The following PRUNE2 variants were observed in gnomAD, a reference collection of about 807,000 sequenced individuals.
PRUNE2 encodes protein prune homolog 2.
Under a neutral mutation model 252.0 loss-of-function variants are expected in PRUNE2, and 164 were observed. The ratio of observed to expected loss-of-function variants is 0.65; its 90% confidence interval spans 0.57 to 0.74. The LOEUF (loss-of-function observed/expected upper bound fraction) is 0.74, where lower values mean the gene tolerates loss of function less well. Ranked by LOEUF, PRUNE2 falls within the 30% of genes least tolerant of loss-of-function variation. The pLI is 0.00. For synonymous variants in PRUNE2, 1,292 were observed against 1,350.2 expected (o/e 0.96, Z 0.94); for missense variants, 3,495 against 3,711.0 (o/e 0.94, Z 1.51).
At chr9:76,828,360 G>A (rs563782840) in intron 4 of PRUNE2, among the ~76,000 whole-genome samples, 1 of 152,298 alleles carries the variant, frequency 6.6e-6, no homozygotes, top group Non-Finnish European at 1.5e-5. Flanking sequence ...TGAAAAATTA[G>A]GTTGGAGAGA....
chr9:76,614,577 T>C lies in PRUNE2; in HGVS notation c.9260A>G (p.Lys3087Arg). The C allele has an allele frequency of 6.2e-7, 1 of 1,612,620 alleles. No homozygotes were observed. Among genetic ancestry groups the C allele is most frequent in the Non-Finnish European group, 8.5e-7 (1 of 1,179,056 alleles). ...TTCTTCCAGCATGGCCAACTAAGGC[T>C]TTTCTTTCAGCTTCAAGTCAATACT... Reference protein sequence around the residue: ...EKDIDLKLKEKP With the variant: ...EKDIDLKLKERP The change falls in exon 19 of 19, where the codon AAG (lysine) becomes AGG (arginine). Residue 3087 changes from lysine (K) to arginine (R), a missense_variant. By Grantham distance (26) the Lys-to-Arg change is conservative. Transcript: ENST00000376718.
At chr9:76,785,413 A>C (rs757278341) in intron 6 of PRUNE2, 1 of 152,224 alleles carries the variant, frequency 6.6e-6, no homozygotes, top group Non-Finnish European at 1.5e-5. Context: ...CACGTTTGTA[A>C]GCCTGGGATG....
chr9:76,667,378 G>A (rs796972850), intron 9 of PRUNE2, among the ~76,000 whole-genome samples: 13 of 152,316 alleles, frequency 8.5e-5, no homozygotes, highest in African/African-American at 2.9e-4. Flanking sequence ...TCTGCAGGAC[G>A]CCCAAGTGAG....
intron 1 of PRUNE2, 150 bp from the exon 2 acceptor site, chr9:76,854,358 T>C: frequency 4.3e-6 from 2 of 464,952 alleles, no homozygotes; most frequent in Non-Finnish European, 7.7e-6. Context: ...CATGAGAACA[T>C]AAAAATTGTA....
rs114583525 is a variant in PRUNE2, at chr9:76,715,695, T to C, written c.757-1974A>G. The stretch of plus-strand genomic sequence containing the variant: ...GGCCTAATAACAATCTTTAAGTAGA[T>C]GTTTAAAAAATTAATTCATCCACAA... On this transcript the variant is annotated intron_variant, in intron 6 of 18. Transcript: ENST00000376718. 6.2e-3 allele frequency among the ~76,000 whole-genome samples: 949 copies of C among 152,350 alleles called. 8 individuals carry two copies. Among genetic ancestry groups the C allele is most frequent in the African/African-American group, 0.022 (904 of 41,586 alleles).
rs1303827298 is a variant in PRUNE2, at chr9:76,613,223, AC to A, written c.*1346del. 6.6e-6 allele frequency: 1 copy of A among 152,198 alleles called. No individual in the cohort carries two copies. The highest frequency in any genetic ancestry group is 1.5e-5 in the Non-Finnish European group (1 of 68,040). 9.4% of individuals were successfully genotyped at this position (152,198 alleles called of 1,614,324 possible). On this transcript the variant is annotated 3_prime_UTR_variant, in exon 19 of 19. Coordinates refer to ENST00000376718, the MANE Select transcript of PRUNE2 (RefSeq NM_015225.3). ...CTCATTTGTCCGTTCTGTTAGAGAA[AC>A]TATCTAAATACAAATTGGGGTGGAG... is the stretch of plus-strand genomic sequence containing the variant.
At position 76,754,153 on chromosome 9, in the gene PRUNE2, T is replaced by TA. The variant is rs573006530; in HGVS notation, c.757-40433dup. 5.7e-3 allele frequency among the ~76,000 whole-genome samples: 863 copies of TA among 151,354 alleles called. 12 individuals carry two copies. The highest frequency in any genetic ancestry group is 0.02 in the African/African-American group (827 of 41,222). Reference sequence around the variant, plus strand: ...TTCTTTACACCTAGTCCCTTAAAAATAAAAAAAATAGCCCTTTGCAGTGAA... The same window carrying TA: ...TTCTTTACACCTAGTCCCTTAAAAATAAAAAAAAATAGCCCTTTGCAGTGAA... On this transcript the variant is annotated intron_variant, in intron 6 of 18. Coordinates refer to ENST00000376718, the MANE Select transcript of PRUNE2 (RefSeq NM_015225.3).
At chr9:76,639,001 G>A (rs879700946) in intron 12 of PRUNE2, among the ~76,000 whole-genome samples, 8 of 152,118 alleles carry the variant, frequency 5.3e-5, no homozygotes, top group Admixed American at 5.2e-4. Context: ...GACACATTGG[G>A]CTCTGGGAGG....
chr9:76,880,911 T>C (rs2061736669), intron 1 of PRUNE2, among the ~76,000 whole-genome samples: 1 of 152,112 alleles, frequency 6.6e-6, no homozygotes, highest in Non-Finnish European at 1.5e-5. Flanking sequence ...ATGGTAAATA[T>C]TGATAAATAT....
intron 9 of PRUNE2, among the ~76,000 whole-genome samples, chr9:76,660,499 G>A (rs1307110303): frequency 6.6e-6 from 1 of 152,074 alleles, no homozygotes; most frequent in Non-Finnish European, 1.5e-5. Context: ...AGAATCAGAT[G>A]TGGGCCAGGC....
chr9:76,706,736 C>G lies in PRUNE2; in HGVS notation c.5538G>C (p.Arg1846Ser). Reference sequence around the variant, plus strand: ...ACACACCACTGGAGTCAGACAGCTCCCTTTCAAATGGACTTTCAATTAGTC... The same window carrying G: ...ACACACCACTGGAGTCAGACAGCTCGCTTTCAAATGGACTTTCAATTAGTC... ...EGRLIESPFE[R>S]ELSDSSGVLE... Residue 1846 changes from arginine (R) to serine (S), a missense_variant, in exon 8 of 19, where the codon AGG becomes AGC. Coordinates refer to ENST00000376718, the MANE Select transcript of PRUNE2 (RefSeq NM_015225.3). 3 of 1,612,840 alleles carry G rather than the reference C, an allele frequency of 1.9e-6. No individual in the cohort carries two copies. Among genetic ancestry groups the G allele is most frequent in the Non-Finnish European group, 2.5e-6 (3 of 1,179,404 alleles).
intron 8 of PRUNE2, 64 bp downstream of exon 8, chr9:76,704,697 A>C (rs2046183667): frequency 4.4e-6 from 5 of 1,142,938 alleles, no homozygotes; most frequent in Non-Finnish European, 4.9e-6. Flanking sequence ...TGTGTCTTAC[A>C]AATATGCACT....
chr9:76,809,856 G>A (rs1172142334), intron 6 of PRUNE2, among the ~76,000 whole-genome samples: 2 of 152,218 alleles, frequency 1.3e-5, no homozygotes, highest in African/African-American at 4.8e-5. Flanking sequence ...TTAAGTGGAT[G>A]GATAAAGTGA....
intron 9 of PRUNE2, among the ~76,000 whole-genome samples, chr9:76,656,418 AC>A (rs1849256055): frequency 6.6e-6 from 1 of 152,096 alleles, no homozygotes; most frequent in East Asian, 1.9e-4. Flanking sequence ...AACATGATAA[AC>A]CTTTATGTTA....
At chr9:76,662,272 G>C (rs773020462) in intron 9 of PRUNE2, among the ~76,000 whole-genome samples, 2 of 152,166 alleles carry the variant, frequency 1.3e-5, no homozygotes, top group Admixed American at 6.5e-5. Flanking sequence ...CCACCAAATG[G>C]AGAAAGAACG....
intron 11 of PRUNE2, among the ~76,000 whole-genome samples, chr9:76,651,778 C>T (rs557374236): frequency 5.1e-4 from 77 of 152,332 alleles, no homozygotes; most frequent in African/African-American, 1.8e-3. Flanking sequence ...TAAACCATCC[C>T]TTCCTTCCTT....
At chr9:76,713,522 T>G (rs1171835561) in intron 7 of PRUNE2, 41 bp downstream of exon 7, 1 of 1,561,038 alleles carries the variant, frequency 6.4e-7, no homozygotes, top group East Asian at 2.3e-5. Context: ...GCCAGCAGGT[T>G]AGGACAGAGG....
chr9:76,662,945 CACAA>C (rs1373273644), intron 9 of PRUNE2, among the ~76,000 whole-genome samples: 2 of 152,064 alleles, frequency 1.3e-5, no homozygotes, highest in Non-Finnish European at 2.9e-5. Context: ...AAAAAGAAAA[CACAA>C]ACAAAACCTT....
At position 76,709,345 on chromosome 9, in the gene PRUNE2, T is replaced by A. The variant is rs1423435031; in HGVS notation, c.2929A>T (p.Thr977Ser). The A allele has an allele frequency of 6.2e-7, 1 of 1,613,854 alleles. No homozygotes were observed. The highest frequency in any genetic ancestry group is 8.5e-7 in the Non-Finnish European group (1 of 1,179,884). Residue 977 changes from threonine to serine, a missense_variant, in exon 8 of 19, where the codon ACA (threonine) becomes TCA (serine). By Grantham distance (58) the Thr-to-Ser change is moderately conservative. Transcript: ENST00000376718. ...GTTTCCTTTTCGTCTCCAGCAAATG[T>A]TGGTGATGTGTAAGAGTCTGAGGTG... ...YSTSDSYTSP[T>S]FAGDEKETEH...
Sources: allele counts gnomAD v4.1 joint callset (sites outside exome capture counted in the v4.1 genomes callset), GRCh38; gene constraint gnomAD v4.1.1; transcripts MANE v1.5; gene names NCBI Gene and HGNC (gene_info 2026-07-23, HGNC 2026-07-21).